Variants in ELAPOR2 observed in about 807,000 individuals in gnomAD.
The protein encoded by ELAPOR2 is endosome/lysosome-associated apoptosis and autophagy regulator family member 2.
A neutral mutation model predicts 120.7 loss-of-function variants in ELAPOR2; 89 were observed. The ratio of observed to expected loss-of-function variants is 0.74; its 90% CI spans 0.62 to 0.88. ELAPOR2 has a LOEUF of 0.88. Among genes scored for constraint, ELAPOR2 ranks in the 40% least tolerant of loss-of-function variants. The probability of loss-of-function intolerance (pLI) is 0.00; values close to 1 mark genes in which losing one functional copy is unlikely to be tolerated. For synonymous variants in ELAPOR2, 444 were observed against 444.9 expected, an observed-to-expected ratio of 1.00 and a Z score of 0.03; for missense variants, 1,134 against 1,251.6, an observed-to-expected ratio of 0.91 and a Z score of 1.42.
intron 4 of ELAPOR2, among the ~76,000 whole-genome samples, chr7:86,944,093 A>G (rs1051484076): frequency 8.5e-5 from 13 of 152,056 alleles, no homozygotes; most frequent in African/African-American, 2.9e-4. Context: ...AATTTTTAGT[A>G]CATTTGTTTC....
chr7:86,910,592 G>GT (rs2116066085), intron 15 of ELAPOR2, among the ~76,000 whole-genome samples: 1 of 152,164 alleles, frequency 6.6e-6, no homozygotes, highest in East Asian at 1.9e-4. Context: ...TGTATAACAA[G>GT]TTAAAGGTAA....
chr7:87,036,965 A>G (rs1404365692), intron 1 of ELAPOR2, among the ~76,000 whole-genome samples: 1 of 152,156 alleles, frequency 6.6e-6, no homozygotes, highest in African/African-American at 2.4e-5. Flanking sequence ...CCTGAATATT[A>G]AAAATCACCC....
chr7:87,024,407 A>C (rs753415196), intron 1 of ELAPOR2, among the ~76,000 whole-genome samples: 49 of 152,138 alleles, frequency 3.2e-4, no homozygotes, highest in Non-Finnish European at 6.9e-4. Flanking sequence ...CATCCCAGGG[A>C]TGAAGCCCAC....
At chr7:87,028,836 A>G (rs1216867628) in intron 1 of ELAPOR2, among the ~76,000 whole-genome samples, 1 of 152,078 alleles carries the variant, frequency 6.6e-6, no homozygotes, top group African/African-American at 2.4e-5. Flanking sequence ...CTCCACCCAC[A>G]TGACCCCTGT....
chr7:87,007,966 G>A (rs967257288), intron 1 of ELAPOR2, among the ~76,000 whole-genome samples: 1 of 152,178 alleles, frequency 6.6e-6, no homozygotes, highest in African/African-American at 2.4e-5. Context: ...CCATTAAAGG[G>A]TTGCCAAAAC....
chr7:86,889,523 G>T (rs983748316), intron 21 of ELAPOR2, among the ~76,000 whole-genome samples: 8 of 151,676 alleles, frequency 5.3e-5, no homozygotes, highest in African/African-American at 1.9e-4. Context: ...TAACAAGCAG[G>T]TAGTGTATAT....
intron 1 of ELAPOR2, among the ~76,000 whole-genome samples, chr7:87,033,331 A>C (rs902324177): frequency 6.6e-6 from 1 of 152,252 alleles, no homozygotes; most frequent in Non-Finnish European, 1.5e-5. Context: ...GTTATCAAAA[A>C]AATCGAAGAT....
intron 1 of ELAPOR2, among the ~76,000 whole-genome samples, chr7:87,056,626 T>C (rs1795271290): frequency 6.6e-6 from 1 of 152,206 alleles, no homozygotes; most frequent in Admixed American, 6.5e-5. Flanking sequence ...TCCAAAGACT[T>C]TGACAAAGGA....
chr7:86,897,361 G>A, intron 19 of ELAPOR2, 145 bp downstream of exon 19: 1 of 978,164 alleles, frequency 1.0e-6, no homozygotes, highest in Non-Finnish European at 1.5e-6. Context: ...GAGTTCAGCT[G>A]CCAAACTTGA....
At chr7:86,979,191 T>C (rs1409825206) in intron 1 of ELAPOR2, among the ~76,000 whole-genome samples, 3 of 152,180 alleles carry the variant, frequency 2.0e-5, no homozygotes, top group Non-Finnish European at 4.4e-5. Context: ...TACAAAAGAT[T>C]ACCTCTGCCA....
intron 14 of ELAPOR2, among the ~76,000 whole-genome samples, chr7:86,912,612 G>A (rs1481480515): frequency 6.6e-6 from 1 of 152,154 alleles, no homozygotes; most frequent in Admixed American, 6.5e-5. Context: ...AACACTAGCT[G>A]TTCCCAGATG....
chr7:86,908,376 G>A (rs1040201698), intron 17 of ELAPOR2, 71 bp downstream of exon 17: 2 of 766,746 alleles, frequency 2.6e-6, no homozygotes, highest in South Asian at 3.2e-5. Context: ...AAATATATGA[G>A]TATTGGTGTT....
At chr7:86,902,419 G>A (rs1013923521) in intron 18 of ELAPOR2, among the ~76,000 whole-genome samples, 3 of 152,030 alleles carry the variant, frequency 2.0e-5, no homozygotes, top group Non-Finnish European at 2.9e-5. Context: ...CATTTGATCC[G>A]CCTGTCTCGG....
At chr7:86,910,026 A>G in intron 15 of ELAPOR2, 25 bp from the exon 16 acceptor site, 2 of 1,571,266 alleles carry the variant, frequency 1.3e-6, no homozygotes, top group Non-Finnish European at 1.7e-6. Flanking sequence ...TCATAAAAGA[A>G]AGGTTTTATT....
chr7:87,035,547 C>T (rs148277883), intron 1 of ELAPOR2, among the ~76,000 whole-genome samples: 226 of 152,270 alleles, frequency 1.5e-3, no homozygotes, highest in African/African-American at 5.3e-3. Context: ...TTTCCCGTGA[C>T]GTACTTTCCA....
intron 20 of ELAPOR2, among the ~76,000 whole-genome samples, chr7:86,892,289 C>A (rs1434878713): frequency 6.6e-6 from 1 of 152,016 alleles, no homozygotes. Flanking sequence ...TGGTCTTTAT[C>A]ATCTCTCTAT....
intron 1 of ELAPOR2, among the ~76,000 whole-genome samples, chr7:87,017,438 C>T (rs1487514285): frequency 6.6e-6 from 1 of 151,974 alleles, no homozygotes; most frequent in African/African-American, 2.4e-5. Context: ...GAAAAATGCT[C>T]ATAATAGATG....
intron 19 of ELAPOR2, among the ~76,000 whole-genome samples, chr7:86,894,160 C>T (rs1480721007): frequency 6.6e-6 from 1 of 152,028 alleles, no homozygotes; most frequent in Admixed American, 6.6e-5. Context: ...AAGTTTGAAT[C>T]AAGTTTTGGA....
chr7:86,993,499 G>A (rs1160028745), intron 1 of ELAPOR2, among the ~76,000 whole-genome samples: 1 of 152,104 alleles, frequency 6.6e-6, no homozygotes, highest in Non-Finnish European at 1.5e-5. Flanking sequence ...AAAGGAGGAA[G>A]AGAATTAGCC....
Sources: allele counts gnomAD v4.1 joint callset (sites outside exome capture counted in the v4.1 genomes callset), GRCh38; gene constraint gnomAD v4.1.1; transcripts MANE v1.5; gene names NCBI Gene and HGNC (gene_info 2026-07-23, HGNC 2026-07-21).